ZMYM4: variants seen among roughly 807,000 people sequenced by gnomAD.
ZMYM4 encodes zinc finger MYM-type protein 4.
In ZMYM4, 31 loss-of-function variants were observed where a neutral mutation model predicts 183.2. The ratio of observed to expected loss-of-function variants is 0.17; its 90% confidence interval spans 0.13 to 0.23. The LOEUF is 0.23. Ranked by LOEUF, ZMYM4 falls within the 10% of genes least tolerant of loss-of-function variation. The pLI is 1.00. For missense variants in ZMYM4, 1,273 were observed against 1,840.3 expected (o/e 0.69, Z 5.64); for synonymous variants, 592 against 631.2 (o/e 0.94, Z 0.93).
At chr1:35,348,302 A>T (rs1643473248) in intron 2 of ZMYM4, among the ~76,000 whole-genome samples, 1 of 152,234 alleles carries the variant, frequency 6.6e-6, no homozygotes. Flanking sequence ...ACTGGTTTCA[A>T]ACTTTAAAAA....
intron 2 of ZMYM4, among the ~76,000 whole-genome samples, chr1:35,341,061 AC>A (rs1185529484): frequency 2.0e-5 from 3 of 151,978 alleles, no homozygotes; most frequent in Non-Finnish European, 4.4e-5. Context: ...AATTTCTATT[AC>A]ATTCTATTAA....
chr1:35,319,384 G>A (rs1642191578), intron 1 of ZMYM4, among the ~76,000 whole-genome samples: 1 of 152,112 alleles, frequency 6.6e-6, no homozygotes, highest in Non-Finnish European at 1.5e-5. Flanking sequence ...AGCACTTTGG[G>A]AGGCTGAGGT....
At chr1:35,347,842 A>G (rs1261141414) in intron 2 of ZMYM4, among the ~76,000 whole-genome samples, 1 of 152,160 alleles carries the variant, frequency 6.6e-6, no homozygotes, top group African/African-American at 2.4e-5. Flanking sequence ...TATTTTGCTT[A>G]TTATGTTATT....
intron 23 of ZMYM4, 56 bp from the exon 24 acceptor site, chr1:35,404,967 C>G: frequency 1.3e-6 from 2 of 1,513,154 alleles, no homozygotes; most frequent in Non-Finnish European, 1.8e-6. Context: ...AGAACCCTGA[C>G]TCTTAAAAAT....
At chr1:35,398,724 C>T in intron 21 of ZMYM4, 140 bp from the exon 22 acceptor site, 1 of 873,888 alleles carries the variant, frequency 1.1e-6, no homozygotes, top group African/African-American at 1.7e-5. Flanking sequence ...GAACAAGTTA[C>T]CTCATTCTTG....
intron 28 of ZMYM4, 87 bp from the exon 29 acceptor site, chr1:35,418,356 G>A: frequency 7.0e-7 from 1 of 1,433,596 alleles, no homozygotes; most frequent in Non-Finnish European, 9.5e-7. Flanking sequence ...CAAAGTTCTG[G>A]CTGCGAAGCA....
At chr1:35,365,859 G>T (rs1270972860) in intron 5 of ZMYM4, 3 of 152,104 alleles carry the variant, frequency 2.0e-5, no homozygotes, top group African/African-American at 7.2e-5. Context: ...GATCATGGGA[G>T]GATCCAAACA....
At chr1:35,344,544 T>C (rs541655089) in intron 2 of ZMYM4, among the ~76,000 whole-genome samples, 1 of 152,274 alleles carries the variant, frequency 6.6e-6, no homozygotes, top group Non-Finnish European at 1.5e-5. Flanking sequence ...CTGAAAGATA[T>C]TTTCATGAAT....
intron 2 of ZMYM4, among the ~76,000 whole-genome samples, chr1:35,337,390 G>A (rs183846001): frequency 2.6e-5 from 4 of 152,000 alleles, no homozygotes; most frequent in South Asian, 2.1e-4. Flanking sequence ...TAAATCCATC[G>A]TGTTCTCTAT....
Position 35,370,056 on chromosome 1 carries a change from A to T in ZMYM4, c.868A>T (p.Thr290Ser), listed in dbSNP as rs922006788. Reference sequence around the variant, plus strand: ...GTATAGTCATGGCCAACAGCAAAAAACTCAAGAGGGGGAACTGAAAATTAG... The same window carrying T: ...GTATAGTCATGGCCAACAGCAAAAATCTCAAGAGGGGGAACTGAAAATTAG... ...QEYSHGQQQK[T>S]QEGELKISAV... The change falls in exon 6 of 30, where the codon ACT becomes TCT. Residue 290 changes from threonine (T) to serine (S), a missense_variant. Physicochemically the swap from Thr to Ser is moderately conservative, Grantham distance 58. Transcript: ENST00000314607. 3 of 1,613,014 alleles carry T rather than the reference A, an allele frequency of 1.9e-6. No homozygotes were observed. The highest frequency in any genetic ancestry group is 2.7e-5 in the African/African-American group (2 of 74,816).
At chr1:35,383,232 T>C (rs1297038815) in intron 9 of ZMYM4, among the ~76,000 whole-genome samples, 6 of 152,160 alleles carry the variant, frequency 3.9e-5, no homozygotes, top group Non-Finnish European at 8.8e-5. Context: ...GTAAATGCTA[T>C]ATATATTTCT....
At chr1:35,275,690 C>T (rs945390418) in intron 1 of ZMYM4, among the ~76,000 whole-genome samples, 2 of 152,158 alleles carry the variant, frequency 1.3e-5, no homozygotes, top group Non-Finnish European at 2.9e-5. Context: ...TATGAGCTAA[C>T]TGTATGTACT....
At chr1:35,415,011 G>A (rs1422165019) in intron 27 of ZMYM4, among the ~76,000 whole-genome samples, 1 of 152,148 alleles carries the variant, frequency 6.6e-6, no homozygotes, top group East Asian at 1.9e-4. Context: ...TCGTGCCACT[G>A]CACTCCAGCC....
At chr1:35,412,700 T>G (rs1466457548) in intron 26 of ZMYM4, among the ~76,000 whole-genome samples, 1 of 152,140 alleles carries the variant, frequency 6.6e-6, no homozygotes, top group Non-Finnish European at 1.5e-5. Flanking sequence ...CGAAGATATA[T>G]TTTTAAGCTT....
intron 1 of ZMYM4, among the ~76,000 whole-genome samples, chr1:35,304,534 T>A (rs1641439723): frequency 6.6e-6 from 1 of 151,820 alleles, no homozygotes; most frequent in African/African-American, 2.4e-5. Context: ...CTTAGCTTAC[T>A]GCAACCTCTG....
In ZMYM4 at chr1:35,389,201, T is replaced by A. The variant is rs11264150; in HGVS notation, c.2436+119T>A. 0.018 allele frequency: 17,624 copies of A among 981,468 alleles called. 1,171 individuals are homozygous for A. In the East Asian group the frequency reaches 0.22, roughly 12 times the overall value. 60.8% of individuals were successfully genotyped at this position (981,468 alleles called of 1,614,324 possible). A position where few individuals can be genotyped will look rare whatever the true frequency, so the allele number is the denominator to read the frequency against. On this transcript the variant is annotated intron_variant, in intron 14 of 29. Transcript: ENST00000314607. The surrounding 1 kb of genome is among the most constrained non-coding windows in gnomAD (Gnocchi z 4.0). ...TAAAACTTTTAAGTATTAAATGTTT[T>A]ATGCCTTCTAGCAATTAATATAAGA...
intron 2 of ZMYM4, among the ~76,000 whole-genome samples, chr1:35,342,901 C>G (rs144854174): frequency 6.6e-6 from 1 of 151,998 alleles, no homozygotes; most frequent in Non-Finnish European, 1.5e-5. Context: ...AGGCTGGTAG[C>G]GAACTCCAGG....
At chr1:35,416,879 T>TG (rs1640137422) in intron 28 of ZMYM4, among the ~76,000 whole-genome samples, 1 of 152,110 alleles carries the variant, frequency 6.6e-6, no homozygotes, top group African/African-American at 2.4e-5. Context: ...TGGTATTAAC[T>TG]GGGGGAGGGA....
chr1:35,340,225 T>A (rs752695028), intron 2 of ZMYM4, among the ~76,000 whole-genome samples: 62 of 152,248 alleles, frequency 4.1e-4, no homozygotes, highest in Non-Finnish European at 7.5e-4. Flanking sequence ...TGGTATGTCT[T>A]TGTATTTATT....
Sources: gnomAD v4.1 joint callset for allele counts (sites outside exome capture counted in the v4.1 genomes callset) on GRCh38, gnomAD v4.1.1 for gene constraint, Gnocchi (gnomAD v3.1) non-coding constraint, MANE v1.5 for transcripts, NCBI Gene and HGNC (gene_info 2026-07-23, HGNC 2026-07-21) for gene names.